RARS1: variants seen among roughly 807,000 people sequenced by gnomAD.
The protein encoded by RARS1 is arginine--tRNA ligase, cytoplasmic.
A neutral mutation model predicts 78.7 loss-of-function variants in RARS1; 75 were observed. The ratio of observed to expected loss-of-function variants is 0.95; its 90% CI spans 0.79 to 1.15. The LOEUF (loss-of-function observed/expected upper bound fraction) is 1.15. Among genes scored for constraint, RARS1 ranks in the 50% most tolerant of loss-of-function variants. The pLI, the probability that RARS1 is intolerant of heterozygous loss-of-function variation, is 0.00. For synonymous variants in RARS1, 273 were observed against 268.2 expected (o/e 1.02, Z -0.18); for missense variants, 787 against 787.5 (o/e 1.00, Z 0.01).
Position 168,502,382 on chromosome 5 carries a change from A to ATT in RARS1, c.1057+278_1057+279insTT, listed in dbSNP as rs376556548. 0.012 allele frequency among the ~76,000 whole-genome samples: 1,473 copies of ATT among 119,292 alleles called. 11 individuals carry two copies. The highest frequency in any genetic ancestry group is 0.026 in the African/African-American group (713 of 27,372). The allele number at this position is 119,292 out of a possible 152,430, so 78.3% of individuals were successfully genotyped here. A position where few individuals can be genotyped will look rare whatever the true frequency, so the allele number is the denominator to read the frequency against. On this transcript the variant is annotated intron_variant, in intron 9 of 14. Coordinates refer to ENST00000231572, the MANE Select transcript of RARS1 (RefSeq NM_002887.4). The stretch of plus-strand genomic sequence containing the variant: ...AACAAATATATATATATATATATAT[A>ATT]TATTTTTTTTTTTTAAAACAATCTT...
At chr5:168,504,463 C>T (rs1364971197) in intron 9 of RARS1, among the ~76,000 whole-genome samples, 1 of 148,344 alleles carries the variant, frequency 6.7e-6, no homozygotes, top group Non-Finnish European at 1.5e-5. Flanking sequence ...GTGGAGATTG[C>T]AGTGAGCCGA....
chr5:168,502,134 A>G (rs1402141088), intron 9 of RARS1, 29 bp downstream of exon 9: 1 of 1,572,192 alleles, frequency 6.4e-7, no homozygotes, highest in Non-Finnish European at 8.6e-7. Flanking sequence ...ACTTTTTATT[A>G]TGGAAATTTT....
intron 13 of RARS1, among the ~76,000 whole-genome samples, chr5:168,517,332 G>A (rs1449906381): frequency 1.3e-5 from 2 of 152,056 alleles, no homozygotes; most frequent in Non-Finnish European, 2.9e-5. Flanking sequence ...TAGTGGAGAC[G>A]GGGTTTCACC....
chr5:168,494,334 C>T (rs1758140130), intron 4 of RARS1: 1 of 985,240 alleles, frequency 1.0e-6, no homozygotes, highest in Non-Finnish European at 1.2e-6. Context: ...AGTGAAAGGG[C>T]CCTGAGTTAA....
intron 12 of RARS1, among the ~76,000 whole-genome samples, chr5:168,513,529 A>G (rs1245984799): frequency 2.0e-5 from 3 of 152,146 alleles, no homozygotes; most frequent in African/African-American, 7.2e-5. Flanking sequence ...CATGTTGGCC[A>G]GGCGGGTCTC....
intron 10 of RARS1, among the ~76,000 whole-genome samples, 155 bp from the exon 11 acceptor site, chr5:168,506,567 A>G (rs1248975206): frequency 6.6e-6 from 1 of 152,200 alleles, no homozygotes; most frequent in Non-Finnish European, 1.5e-5. Flanking sequence ...TTTCTCATAT[A>G]TAGGGAATAA....
chr5:168,511,196 T>A (rs200676838), intron 12 of RARS1, among the ~76,000 whole-genome samples: 1,379 of 78,462 alleles, frequency 0.018, 30 homozygotes, highest in East Asian at 0.11. Flanking sequence ...ACAAGAAAAA[T>A]TTTTTTTTTT....
intron 3 of RARS1, 78 bp from the exon 4 acceptor site, chr5:168,493,816 C>A (rs1454550502): frequency 9.0e-7 from 1 of 1,105,116 alleles, no homozygotes. Flanking sequence ...AAATGCATCT[C>A]GTGCCTTGTC....
At chr5:168,492,451 A>G (rs1758104936) in intron 2 of RARS1, among the ~76,000 whole-genome samples, 1 of 152,174 alleles carries the variant, frequency 6.6e-6, no homozygotes, top group Non-Finnish European at 1.5e-5. Flanking sequence ...ACCTCAGGGC[A>G]TTTCCCATGG....
At chr5:168,509,901 T>C (rs244888) in intron 11 of RARS1, among the ~76,000 whole-genome samples, 2 of 151,690 alleles carry the variant, frequency 1.3e-5, no homozygotes, top group Non-Finnish European at 2.9e-5. Flanking sequence ...AGCCCAGGAG[T>C]TCAAGGTTAC....
intron 2 of RARS1, among the ~76,000 whole-genome samples, chr5:168,488,939 A>C (rs975874939): frequency 6.6e-6 from 1 of 152,224 alleles, no homozygotes; most frequent in Non-Finnish European, 1.5e-5. Context: ...CCTGTCCTTC[A>C]GGACTCTTTG....
chr5:168,503,882 G>A (rs1053899502), intron 9 of RARS1, among the ~76,000 whole-genome samples: 8 of 151,862 alleles, frequency 5.3e-5, no homozygotes, highest in Admixed American at 3.9e-4. Flanking sequence ...GTCAGTCTGC[G>A]CAACATAGCA....
intron 3 of RARS1, among the ~76,000 whole-genome samples, chr5:168,493,480 T>C (rs1431383727): frequency 6.6e-5 from 10 of 151,896 alleles, no homozygotes; most frequent in African/African-American, 2.4e-5. Flanking sequence ...CTGTAGACTT[T>C]GTTATGTCAT....
chr5:168,496,881 T>C (rs928453556), intron 6 of RARS1: 1 of 179,214 alleles, frequency 5.6e-6, no homozygotes, highest in African/African-American at 2.3e-5. Context: ...TTTCATAAAA[T>C]TGTGGGAATA....
intron 1 of RARS1, chr5:168,488,374 T>C (rs1758012884): frequency 2.2e-6 from 1 of 447,730 alleles, no homozygotes; most frequent in Non-Finnish European, 4.0e-6. Context: ...GTCATCCACC[T>C]GCCTAGGCCT....
chr5:168,519,091 GA>G lies in RARS1; in HGVS notation c.1886del (p.Lys629ArgfsTer2). 6.2e-7 allele frequency: 1 copy of G among 1,606,936 alleles called. No homozygotes were observed. Among genetic ancestry groups the G allele is most frequent in the Non-Finnish European group, 8.5e-7 (1 of 1,176,820 alleles). On this transcript the variant is annotated frameshift_variant, in exon 15 of 15. Coordinates refer to ENST00000231572, the MANE Select transcript of RARS1 (RefSeq NM_002887.4). LOFTEE classifies it high-confidence loss of function. The stretch of plus-strand genomic sequence containing the variant: ...TTTCTATCTTTTCAGGAAAAATATT[GA>G]AGGTGAACATGTGGCGTATGCTGCT... ...EKDRQTGKILKVNMWRMLLCE... is the reference protein window; with the variant it reads ...EKDRQTGKILXVNMWRMLLCE...
At position 168,506,016 on chromosome 5, in the gene RARS1, C is replaced by G. The variant is rs780752411; in HGVS notation, c.1058-5C>G. The G allele has an allele frequency of 2.6e-5, 42 of 1,590,752 alleles. No individual in the cohort carries two copies. In the East Asian group the frequency reaches 9.4e-4, roughly 36 times the overall value. On this transcript the variant is annotated splice_polypyrimidine_tract_variant and splice_region_variant and intron_variant, in intron 9 of 14. Transcript: ENST00000231572. ...TTTATTAATGAAGTGTTTTTTACCC[C>G]CTAGGATTTGTGCAGGTGGATGATG... is the stretch of plus-strand genomic sequence containing the variant.
chr5:168,493,751 C>CATTCATAATCACATA, intron 3 of RARS1, 143 bp from the exon 4 acceptor site: 2 of 622,564 alleles, frequency 3.2e-6, no homozygotes, highest in East Asian at 5.7e-5. Context: ...TTTAATCTGT[C>CATTCATAATCACATA]ATTCATAATG....
intron 1 of RARS1, among the ~76,000 whole-genome samples, chr5:168,487,449 A>C (rs980503797): frequency 1.3e-5 from 2 of 152,174 alleles, no homozygotes; most frequent in African/African-American, 4.8e-5. Flanking sequence ...GATAGTTCAC[A>C]GTACTCTGTC....
Sources: allele counts gnomAD v4.1 joint callset (sites outside exome capture counted in the v4.1 genomes callset), GRCh38; gene constraint gnomAD v4.1.1; transcripts MANE v1.5; gene names NCBI Gene and HGNC (gene_info 2026-07-23, HGNC 2026-07-21).